LILRA4: variants seen among roughly 807,000 people sequenced by gnomAD.
LILRA4 encodes leukocyte immunoglobulin like receptor A4, also known as leukocyte immunoglobulin-like receptor subfamily A member 4.
LILRA4 carries 51 observed loss-of-function variants against 49.5 expected under a neutral mutation model. The observed-to-expected ratio is 1.03, with a 90% CI of 0.82 to 1.30. The LOEUF (loss-of-function observed/expected upper bound fraction) is 1.30. Ranked by LOEUF, LILRA4 falls within the 50% of genes most tolerant of loss-of-function variation. The pLI is 0.00. For missense variants in LILRA4, 624 were observed against 625.6 expected, an observed-to-expected ratio of 1.00 and a Z score of 0.03; for synonymous variants, 272 against 265.6, an observed-to-expected ratio of 1.02 and a Z score of -0.23.
At chr19:54,338,980 C>G in intron 1 of LILRA4, 79 bp from the exon 2 acceptor site, 1 of 1,612,474 alleles carries the variant, frequency 6.2e-7, no homozygotes, top group South Asian at 1.1e-5. Context: ...CCCTGGGATG[C>G]CCTAATTGAC....
Position 54,336,827 on chromosome 19 carries a change from G to A in LILRA4, c.1255+14C>T, listed in dbSNP as rs769525707. The A allele has an allele frequency of 2.9e-5, 47 of 1,613,844 alleles. No homozygotes were observed. Among genetic ancestry groups the A allele is most frequent in the Non-Finnish European group, 3.9e-5 (46 of 1,179,948 alleles). ...CCCCTTTGAGCTCAGAGTGGACAGGGTCAGCGCCCTCACCTGAGACCACGA... is the reference window on the plus strand; with the variant it reads ...CCCCTTTGAGCTCAGAGTGGACAGGATCAGCGCCCTCACCTGAGACCACGA... On this transcript the variant is annotated intron_variant, in intron 6 of 7. Transcript: ENST00000291759.
chr19:54,336,834 C>A lies in LILRA4; in HGVS notation c.1255+7G>T, dbSNP rs776340091. 1 of 1,614,074 alleles carries A rather than the reference C, an allele frequency of 6.2e-7. No individual in the cohort carries two copies. Among genetic ancestry groups the A allele is most frequent in the South Asian group, 1.1e-5 (1 of 91,072 alleles). On this transcript the variant is annotated splice_region_variant and intron_variant, in intron 6 of 7. Transcript: ENST00000291759. ...GAGCTCAGAGTGGACAGGGTCAGCG[C>A]CCTCACCTGAGACCACGAGCTCCAG...
chr19:54,333,893 C>A (rs1330321284), intron 7 of LILRA4, 22 bp downstream of exon 7: 1 of 1,613,564 alleles, frequency 6.2e-7, no homozygotes, highest in East Asian at 2.2e-5. Flanking sequence ...AGCCCCATAA[C>A]TGGGAGAATC....
At position 54,339,072 on chromosome 19, in the gene LILRA4, G is replaced by C; in HGVS notation, c.22C>G (p.Leu8Val). The change falls in exon 1 of 8, where the codon CTG becomes GTG. Residue 8 changes from leucine to valine, a missense_variant. Physicochemically the swap from Leu to Val is conservative, Grantham distance 32 (BLOSUM62 1). Coordinates refer to ENST00000291759, the MANE Select transcript of LILRA4 (RefSeq NM_012276.5). MTLILTS[L>V]LFFGLSLGPR... ...CTTAAGATCTCACCAAAGAAGAGCA[G>C]GCTTGTGAGAATGAGGGTCATGGCA... is the stretch of plus-strand genomic sequence containing the variant. 6.2e-7 allele frequency: 1 copy of C among 1,614,230 alleles called. No homozygotes were observed. The highest frequency in any genetic ancestry group is 8.5e-7 in the Non-Finnish European group (1 of 1,180,040).
chr19:54,338,161 C>A lies in LILRA4; in HGVS notation c.430G>T (p.Ala144Ser). 6.2e-7 allele frequency: 1 copy of A among 1,614,066 alleles called. No individual in the cohort carries two copies. Among genetic ancestry groups the A allele is most frequent in the Non-Finnish European group, 8.5e-7 (1 of 1,179,954 alleles). ...TSGVNVTLRC[A>S]SRLGLGRFTL... is the part of the protein sequence containing the mutation. ...AACCTGCCCAGTCCCAGCCGTGAGG[C>A]ACACCGGAGGGTCACGTTCACTCCT... is the stretch of plus-strand genomic sequence containing the variant. Residue 144 changes from alanine (A) to serine (S), a missense_variant, in exon 4 of 8, where the codon GCC becomes TCC. Ala to Ser is a moderately conservative substitution (Grantham distance 99). Coordinates refer to ENST00000291759, the MANE Select transcript of LILRA4 (RefSeq NM_012276.5).
chr19:54,338,493 TG>T lies in LILRA4; in HGVS notation c.257del (p.Pro86HisfsTer3), dbSNP rs1464614591. 2 of 1,614,078 alleles carry T rather than the reference TG, an allele frequency of 1.2e-6. No individual in the cohort carries two copies. The highest frequency in any genetic ancestry group is 4.5e-5 in the East Asian group (2 of 44,870). On this transcript the variant is annotated frameshift_variant, in exon 3 of 8. Transcript: ENST00000291759. LOFTEE classifies it high-confidence loss of function. ...GCCCTGCATGTTCCCACATCATGGATGGGATGGAGAGTTTGACCTTGTTTTC... is the reference window on the plus strand; with the variant it reads ...GCCCTGCATGTTCCCACATCATGGATGGATGGAGAGTTTGACCTTGTTTTC... ...ESENKVKLSI[P>X]SMMWEHAGRY...
At position 54,339,066 on chromosome 19, in the gene LILRA4, A is replaced by G. The variant is rs2081363935; in HGVS notation, c.28T>C (p.Phe10Leu). Residue 10 changes from phenylalanine to leucine, a missense_variant, in exon 1 of 8, where the codon TTC (phenylalanine) becomes CTC (leucine). Phe to Leu is a conservative substitution (Grantham distance 22, BLOSUM62 0). Coordinates refer to ENST00000291759, the MANE Select transcript of LILRA4 (RefSeq NM_012276.5). MTLILTSLL[F>L]FGLSLGPRTR... is the part of the protein sequence containing the mutation. ...CCCCCTCTTAAGATCTCACCAAAGAAGAGCAGGCTTGTGAGAATGAGGGTC... is the reference window on the plus strand; with the variant it reads ...CCCCCTCTTAAGATCTCACCAAAGAGGAGCAGGCTTGTGAGAATGAGGGTC... 1.2e-6 allele frequency: 2 copies of G among 1,614,076 alleles called. No homozygotes were observed. The highest frequency in any genetic ancestry group is 2.7e-5 in the African/African-American group (2 of 74,926).
Position 54,338,657 on chromosome 19 carries a change from A to G in LILRA4, c.94T>C (p.Trp32Arg), listed in dbSNP as rs1054971424. The G allele has an allele frequency of 1.9e-6, 3 of 1,612,980 alleles. No homozygotes were observed. Among genetic ancestry groups the G allele is most frequent in the Admixed American group, 3.3e-5 (2 of 59,938 alleles). ...GTGATCACGGGACCTGGCTCGGCCC[A>G]CAGGATGGGTTTGAGTAGGTTTTCT... Reference protein sequence around the residue: ...QAENLLKPILWAEPGPVITWH... With the variant: ...QAENLLKPILRAEPGPVITWH... Residue 32 changes from tryptophan (W) to arginine (R), a missense_variant, in exon 3 of 8, where the codon TGG (tryptophan) becomes CGG (arginine). Coordinates refer to ENST00000291759, the MANE Select transcript of LILRA4 (RefSeq NM_012276.5).
intron 6 of LILRA4, 42 bp from the exon 7 acceptor site, chr19:54,334,007 G>A (rs1177516623): frequency 2.6e-6 from 4 of 1,539,372 alleles, no homozygotes; most frequent in Admixed American, 3.3e-5. Context: ...AAGCTGAAGA[G>A]CCTCTCCCCT....
intron 3 of LILRA4, 64 bp downstream of exon 3, chr19:54,338,332 G>C: frequency 6.2e-7 from 1 of 1,604,600 alleles, no homozygotes; most frequent in Non-Finnish European, 8.5e-7. Context: ...CCCCTCGAGA[G>C]CTGAGAGCCG....
chr19:54,337,929 T>C lies in LILRA4; in HGVS notation c.655+7A>G. On this transcript the variant is annotated splice_region_variant and intron_variant, in intron 4 of 7. Coordinates refer to ENST00000291759, the MANE Select transcript of LILRA4 (RefSeq NM_012276.5). Reference sequence around the variant, plus strand: ...CTTTGTATAAGGAAAAGCTACGGCTTCCTCACCTGACACCAGTAGCTGCAG... The same window carrying C: ...CTTTGTATAAGGAAAAGCTACGGCTCCCTCACCTGACACCAGTAGCTGCAG... 1 of 1,603,756 alleles carries C rather than the reference T, an allele frequency of 6.2e-7. No homozygotes were observed. Among genetic ancestry groups the C allele is most frequent in the Non-Finnish European group, 8.5e-7 (1 of 1,174,614 alleles).
rs1273800016 is a variant in LILRA4 at position 54,338,666 on chromosome 19, G to T, written c.85C>A (p.Pro29Thr). The T allele has an allele frequency of 6.2e-7, 1 of 1,609,550 alleles. No homozygotes were observed. Among genetic ancestry groups the T allele is most frequent in the South Asian group, 1.1e-5 (1 of 90,832 alleles). ...TRVQAENLLK[P>T]ILWAEPGPVI... ...GGACCTGGCTCGGCCCACAGGATGG[G>T]TTTGAGTAGGTTTTCTGGAAGGAAA... is the stretch of plus-strand genomic sequence containing the variant. The change falls in exon 3 of 8, where the codon CCC becomes ACC. Residue 29 changes from proline (P) to threonine (T), a missense_variant. Physicochemically the swap from Pro to Thr is conservative, Grantham distance 38. Transcript: ENST00000291759.
In LILRA4 at chr19:54,337,581, C is replaced by T. The variant is rs1258943892; in HGVS notation, c.771G>A (p.Lys257=). The change falls in exon 5 of 8, where the codon AAG becomes AAA. Residue 257 remains lysine, a synonymous_variant. Coordinates refer to ENST00000291759, the MANE Select transcript of LILRA4 (RefSeq NM_012276.5). ...DVGYIRYTLY[K]EGADGLPQRP... is the part of the protein sequence containing the mutation. Reference sequence around the variant, plus strand: ...GCTGGGGGAGGCCATCGGCCCCCTCCTTGTACAGAGTGTATCTGATGTAGC... The same window carrying T: ...GCTGGGGGAGGCCATCGGCCCCCTCTTTGTACAGAGTGTATCTGATGTAGC... 1 of 1,613,634 alleles carries T rather than the reference C, an allele frequency of 6.2e-7. No homozygotes were observed. The highest frequency in any genetic ancestry group is 1.7e-5 in the Admixed American group (1 of 59,996).
rs2081350312 is a variant in LILRA4 at position 54,338,021 on chromosome 19, C to G, written c.570G>C (p.Arg190Ser). 4 of 1,614,042 alleles carry G rather than the reference C, an allele frequency of 2.5e-6. No individual in the cohort carries two copies. Among genetic ancestry groups the G allele is most frequent in the Non-Finnish European group, 3.4e-6 (4 of 1,179,994 alleles). ...FPMGPLTFSN[R>S]GTFRCYGYEN... ...CATAGCCGTAGCATCTGAATGTACC[C>G]CTGTTGCTGAAGGTCAGGGGGCCCA... The change falls in exon 4 of 8, where the codon AGG becomes AGC. Residue 190 changes from arginine to serine, a missense_variant. Arg to Ser is a moderately radical substitution (Grantham distance 110). Transcript: ENST00000291759.
At position 54,338,246 on chromosome 19, in the gene LILRA4, A is replaced by G. The variant is rs1206031698; in HGVS notation, c.356-11T>C. The stretch of plus-strand genomic sequence containing the variant: ...TGGGTCTGCTGTAGGCTTTCAAGAG[A>G]AAAAAAGGCAGCCGTGTTTAAATGG... On this transcript the variant is annotated splice_polypyrimidine_tract_variant and intron_variant, in intron 3 of 7. Coordinates refer to ENST00000291759, the MANE Select transcript of LILRA4 (RefSeq NM_012276.5). 1.3e-6 allele frequency: 2 copies of G among 1,594,012 alleles called. No individual in the cohort carries two copies. Among genetic ancestry groups the G allele is most frequent in the African/African-American group, 2.7e-5 (2 of 73,978 alleles).
chr19:54,334,839 G>A (rs2081306834), intron 6 of LILRA4: 2 of 151,370 alleles, frequency 1.3e-5, no homozygotes, highest in Non-Finnish European at 1.5e-5. Context: ...GCCTGGCATG[G>A]TGGTGGGCTC....
intron 1 of LILRA4, 79 bp downstream of exon 1, chr19:54,338,981 C>T (rs1601232397): frequency 1.9e-6 from 3 of 1,612,634 alleles, no homozygotes. Flanking sequence ...CCTGGGATGC[C>T]CTAATTGACT....
chr19:54,337,742 G>C (rs746480684), intron 4 of LILRA4, 46 bp from the exon 5 acceptor site: 9 of 1,578,004 alleles, frequency 5.7e-6, no homozygotes, highest in Non-Finnish European at 7.7e-6. Flanking sequence ...GGTTCCTCCT[G>C]CGCCCCTTCC....
At chr19:54,337,254 C>T (rs1403500675) in intron 5 of LILRA4, 111 bp from the exon 6 acceptor site, 30 of 946,102 alleles carry the variant, frequency 3.2e-5, no homozygotes, top group African/African-American at 5.4e-5. Context: ...CTCTGAGTCT[C>T]CCCCTCCCCG....
Sources: allele counts gnomAD v4.1 joint callset, GRCh38; gene constraint gnomAD v4.1.1; transcripts MANE v1.5; gene names NCBI Gene and HGNC (gene_info 2026-07-23, HGNC 2026-07-21).